The following NCKAP5 variants were observed in gnomAD, a reference collection of about 807,000 sequenced individuals.
The protein encoded by NCKAP5 is NCK associated protein 5, also known as nck-associated protein 5.
NCKAP5 carries 92 observed loss-of-function variants against 167.0 expected under a neutral mutation model. That is an observed-to-expected ratio of 0.55 (90% CI 0.47 to 0.66). NCKAP5 has a LOEUF of 0.66. Among genes scored for constraint, NCKAP5 ranks in the 30% least tolerant of loss-of-function variants. The pLI is 0.00. For missense variants in NCKAP5, 2,378 were observed against 2,315.0 expected, an observed-to-expected ratio of 1.03 and a Z score of -0.56; for synonymous variants, 891 against 877.4, an observed-to-expected ratio of 1.02 and a Z score of -0.27.
At chr2:133,438,355 A>G (rs1690626312) in intron 3 of NCKAP5, among the ~76,000 whole-genome samples, 1 of 152,214 alleles carries the variant, frequency 6.6e-6, no homozygotes, top group Non-Finnish European at 1.5e-5. Context: ...CAGTGCTTTG[A>G]GGCAGAACTC....
chr2:132,886,955 G>GA (rs1176847030), intron 8 of NCKAP5, among the ~76,000 whole-genome samples: 3 of 152,010 alleles, frequency 2.0e-5, no homozygotes, highest in African/African-American at 7.2e-5. Flanking sequence ...TTCAAAATCT[G>GA]AAAAAAATCA....
At chr2:133,407,617 C>T (rs910422441) in intron 3 of NCKAP5, among the ~76,000 whole-genome samples, 9 of 152,210 alleles carry the variant, frequency 5.9e-5, no homozygotes, top group African/African-American at 2.2e-4. Context: ...GAATGAGCAT[C>T]CCTCAGGCTC....
intron 19 of NCKAP5, among the ~76,000 whole-genome samples, chr2:132,725,364 A>G (rs1162085385): frequency 6.6e-6 from 1 of 152,208 alleles, no homozygotes; most frequent in African/African-American, 2.4e-5. Context: ...TATTGAGATA[A>G]CTCAATTGGA....
At chr2:133,024,727 C>T (rs537917628) in intron 6 of NCKAP5, among the ~76,000 whole-genome samples, 2 of 152,172 alleles carry the variant, frequency 1.3e-5, no homozygotes, top group Admixed American at 6.5e-5. Flanking sequence ...TTCTAGCTTG[C>T]GCTCATAAAG....
At chr2:133,136,335 A>C (rs1190032336) in intron 5 of NCKAP5, among the ~76,000 whole-genome samples, 1 of 152,206 alleles carries the variant, frequency 6.6e-6, no homozygotes, top group East Asian at 1.9e-4. Flanking sequence ...GTTAAAGACA[A>C]TTCAAAAATA....
intron 5 of NCKAP5, among the ~76,000 whole-genome samples, chr2:133,149,361 A>T (rs1196906307): frequency 6.6e-6 from 1 of 152,140 alleles, no homozygotes; most frequent in Non-Finnish European, 1.5e-5. Context: ...AGTTAATGTT[A>T]TGCTCAGGCA....
At chr2:133,250,663 G>A (rs551194288) in intron 4 of NCKAP5, among the ~76,000 whole-genome samples, 1 of 152,304 alleles carries the variant, frequency 6.6e-6, no homozygotes, top group Non-Finnish European at 1.5e-5. Context: ...TACAGCCAGG[G>A]GCAATGGCTC....
At chr2:133,200,057 CTT>C (rs1393485594) in intron 5 of NCKAP5, among the ~76,000 whole-genome samples, 3 of 64,734 alleles carry the variant, frequency 4.6e-5, no homozygotes, top group African/African-American at 1.8e-4. Flanking sequence ...CTTTTTTTTT[CTT>C]TCTTTTTTTT....
At chr2:133,510,799 T>G (rs1683423669) in intron 3 of NCKAP5, among the ~76,000 whole-genome samples, 1 of 152,222 alleles carries the variant, frequency 6.6e-6, no homozygotes, top group African/African-American at 2.4e-5. Flanking sequence ...GCCCCAGACC[T>G]AAAGTGAAAT....
intron 3 of NCKAP5, among the ~76,000 whole-genome samples, chr2:133,382,990 C>T (rs1193989061): frequency 6.6e-6 from 1 of 152,090 alleles, no homozygotes. Context: ...GCATAAGCCA[C>T]TGATTATGCT....
At chr2:133,069,029 A>G (rs539894521) in intron 6 of NCKAP5, among the ~76,000 whole-genome samples, 1 of 152,346 alleles carries the variant, frequency 6.6e-6, no homozygotes, top group South Asian at 2.1e-4. Context: ...TTGGATAATG[A>G]ATGTAAACTG....
intron 6 of NCKAP5, among the ~76,000 whole-genome samples, chr2:133,048,735 A>C (rs975266491): frequency 6.6e-6 from 1 of 152,238 alleles, no homozygotes; most frequent in African/African-American, 2.4e-5. Flanking sequence ...GAATAGAAAT[A>C]GAATAACGAC....
intron 8 of NCKAP5, among the ~76,000 whole-genome samples, chr2:132,923,131 C>T (rs1695573093): frequency 6.6e-6 from 1 of 152,176 alleles, no homozygotes. Flanking sequence ...CTACTCCTCA[C>T]ACTTAATTCT....
intron 6 of NCKAP5, among the ~76,000 whole-genome samples, chr2:133,033,906 C>T (rs1349720573): frequency 1.3e-5 from 2 of 151,980 alleles, no homozygotes; most frequent in Non-Finnish European, 2.9e-5. Flanking sequence ...CTAAGAGTTA[C>T]TGGCCTTAAA....
intron 8 of NCKAP5, among the ~76,000 whole-genome samples, chr2:132,960,678 G>T (rs537032964): frequency 1.3e-5 from 2 of 152,302 alleles, no homozygotes; most frequent in Admixed American, 6.5e-5. Context: ...CAGCTGGAGG[G>T]TGATTTGCTT....
Position 133,130,034 on chromosome 2 carries a change from G to A in NCKAP5, c.285C>T (p.Thr95=), listed in dbSNP as rs754281481. The A allele has an allele frequency of 1.2e-5, 20 of 1,611,638 alleles. No homozygotes were observed. The highest frequency in any genetic ancestry group is 1.6e-5 in the Non-Finnish European group (19 of 1,179,102). Residue 95 remains threonine (T), a synonymous_variant, in exon 6 of 20, where the codon ACC becomes ACT. Coordinates refer to ENST00000409261, the MANE Select transcript of NCKAP5 (RefSeq NM_207363.3). ...GAATTCTGTTGCGTTCAGACTCTAG[G>A]GTCACCTCCTGCAACCGCTTCTCGC... is the stretch of plus-strand genomic sequence containing the variant. The part of the protein sequence containing the change: ...LQSEKRLQEV[T]LESERNRIQM...
chr2:133,095,952 TC>T, intron 6 of NCKAP5, among the ~76,000 whole-genome samples: 1 of 152,110 alleles, frequency 6.6e-6, no homozygotes. Context: ...ACACATGGCC[TC>T]AGGGTGAGAA....
intron 3 of NCKAP5, among the ~76,000 whole-genome samples, chr2:133,447,734 C>T (rs909521805): frequency 5.9e-5 from 9 of 152,076 alleles, no homozygotes; most frequent in African/African-American, 1.9e-4. Context: ...GATCCTCCAA[C>T]CTTGGCCTCC....
chr2:132,737,133 A>G (rs1465643928), intron 16 of NCKAP5, among the ~76,000 whole-genome samples: 12 of 152,138 alleles, frequency 7.9e-5, no homozygotes, highest in African/African-American at 2.9e-4. Flanking sequence ...GGAAATATAC[A>G]GTTGGTTGAG....
Sources: allele counts gnomAD v4.1 joint callset (sites outside exome capture counted in the v4.1 genomes callset), GRCh38; gene constraint gnomAD v4.1.1; transcripts MANE v1.5; gene names NCBI Gene and HGNC (gene_info 2026-07-23, HGNC 2026-07-21).